Variants in ZNF883 observed in about 807,000 individuals in gnomAD.
ZNF883 encodes zinc finger protein 883.
At chr9:113,009,360 A>G (rs954208674) in intron 2 of ZNF883, among the ~76,000 whole-genome samples, 1 of 151,616 alleles carries the variant, frequency 6.6e-6, no homozygotes, top group African/African-American at 2.4e-5. Flanking sequence ...TGCTGCTATC[A>G]CTCACCCCTC....
At chr9:112,991,639 T>A (rs1828304202) in intron 1 of ZNF883, among the ~76,000 whole-genome samples, 1 of 152,136 alleles carries the variant, frequency 6.6e-6, no homozygotes, top group African/African-American at 2.4e-5. Context: ...TGAATATTCT[T>A]GTTAATTTTC....
At chr9:112,997,852 A>G in exon 1 of ZNF883, 1 of 1,613,240 alleles carries the variant, frequency 6.2e-7, no homozygotes, top group Non-Finnish European at 8.5e-7. Flanking sequence ...GGGCAGAGAT[A>G]TGGCTGAAAG....
upstream of ZNF883, among the ~76,000 whole-genome samples, chr9:113,003,063 G>A (rs1219889657): frequency 7.2e-5 from 11 of 152,116 alleles, no homozygotes; most frequent in Non-Finnish European, 1.5e-4. Context: ...TTTTGCTATA[G>A]CAGCACAAAC....
At chr9:112,989,879 C>T (rs535414770) in intron 1 of ZNF883, among the ~76,000 whole-genome samples, 1 of 152,206 alleles carries the variant, frequency 6.6e-6, no homozygotes, top group East Asian at 1.9e-4. Context: ...CTCTTTGTAG[C>T]ATTTGTGAAT....
upstream of ZNF883, among the ~76,000 whole-genome samples, chr9:113,000,736 T>C (rs1828414568): frequency 6.6e-6 from 1 of 152,118 alleles, no homozygotes; most frequent in Admixed American, 6.5e-5. Context: ...TTTCACCATA[T>C]TGAGGTTAAA....
intron 1 of ZNF883, among the ~76,000 whole-genome samples, chr9:112,991,776 C>CAT (rs1434600263): frequency 1.3e-5 from 2 of 152,132 alleles, no homozygotes; most frequent in Non-Finnish European, 2.9e-5. Context: ...GTATTGGGTG[C>CAT]ATATATATTT....
chr9:112,991,991 G>A (rs1828307743), intron 1 of ZNF883, among the ~76,000 whole-genome samples: 1 of 152,134 alleles, frequency 6.6e-6, no homozygotes. Flanking sequence ...TATGAGATGA[G>A]TCTCTTGAAT....
chr9:113,004,539 C>T (rs1828457656), intron 2 of ZNF883, among the ~76,000 whole-genome samples: 1 of 151,872 alleles, frequency 6.6e-6, no homozygotes, highest in African/African-American at 2.4e-5. Flanking sequence ...TAAGAGGAAA[C>T]ATGAGAGAAA....
At chr9:113,005,596 CACATT>C (rs1294990007) in intron 2 of ZNF883, among the ~76,000 whole-genome samples, 1 of 152,138 alleles carries the variant, frequency 6.6e-6, no homozygotes, top group Non-Finnish European at 1.5e-5. Flanking sequence ...ATTATAAAGT[CACATT>C]ACAACCAGAC....
chr9:112,997,944 A>G (rs1175538916), exon 1 of ZNF883: 1 of 1,613,782 alleles, frequency 6.2e-7, no homozygotes. Flanking sequence ...CTATGACTAA[A>G]GGTTTTTTCA....
chr9:112,998,283 T>A (rs1476681132), upstream of ZNF883: 10 of 1,449,194 alleles, frequency 6.9e-6, no homozygotes, highest in Non-Finnish European at 9.1e-6. Flanking sequence ...TGGCTTTACA[T>A]TTATTTATTT....
chr9:112,990,735 T>G (rs1406200306), intron 1 of ZNF883, among the ~76,000 whole-genome samples: 1 of 152,202 alleles, frequency 6.6e-6, no homozygotes, highest in Admixed American at 6.5e-5. Flanking sequence ...TGTAAATCCA[T>G]CTGGTCCTGG....
upstream of ZNF883, chr9:112,999,226 A>G (rs1828397762): frequency 6.6e-6 from 1 of 152,228 alleles, no homozygotes; most frequent in Admixed American, 6.5e-5. Context: ...TTTTCAATAT[A>G]AGTGCTGATT....
chr9:113,004,752 T>C (rs1011035177), intron 2 of ZNF883, among the ~76,000 whole-genome samples: 4 of 150,806 alleles, frequency 2.7e-5, no homozygotes, highest in Admixed American at 6.7e-5. Flanking sequence ...AAAACACCTA[T>C]ATAATACATG....
chr9:112,995,076 C>T (rs1828336920), downstream of ZNF883, among the ~76,000 whole-genome samples: 1 of 152,168 alleles, frequency 6.6e-6, no homozygotes, highest in Non-Finnish European at 1.5e-5. Flanking sequence ...TTTGAATAAA[C>T]ATTTTTTCTA....
intron 2 of ZNF883, among the ~76,000 whole-genome samples, chr9:113,010,773 G>A (rs1828526670): frequency 6.6e-6 from 1 of 152,114 alleles, no homozygotes; most frequent in South Asian, 2.1e-4. Flanking sequence ...AGATCACGAG[G>A]TCAGGAGTTT....
intron 2 of ZNF883, among the ~76,000 whole-genome samples, chr9:113,008,394 C>A (rs973135983): frequency 6.6e-6 from 1 of 151,812 alleles, no homozygotes; most frequent in Non-Finnish European, 1.5e-5. Flanking sequence ...GGGAATGGTG[C>A]ATAGAGTAAC....
At chr9:113,008,709 C>T (rs142566722) in intron 2 of ZNF883, among the ~76,000 whole-genome samples, 1 of 151,982 alleles carries the variant, frequency 6.6e-6, no homozygotes, top group East Asian at 1.9e-4. Flanking sequence ...CAGTGACTGT[C>T]CCAGGCACTG....
downstream of ZNF883, among the ~76,000 whole-genome samples, chr9:112,994,920 T>C (rs1828335381): frequency 6.6e-6 from 1 of 152,206 alleles, no homozygotes; most frequent in Non-Finnish European, 1.5e-5. Context: ...CTAATAATGG[T>C]GGCATCAAAC....
Sources: allele counts gnomAD v4.1 joint callset (sites outside exome capture counted in the v4.1 genomes callset), GRCh38; gene constraint gnomAD v4.1.1; transcripts MANE v1.5; gene names NCBI Gene and HGNC (gene_info 2026-07-23, HGNC 2026-07-21).